The following CFHR5 variants were observed in gnomAD, a reference collection of about 807,000 sequenced individuals.
CFHR5 encodes the protein complement factor H related 5.
In CFHR5, 73 loss-of-function variants were observed where a neutral mutation model predicts 62.9. The observed-to-expected ratio is 1.16, with a 90% CI of 0.96 to 1.41. The LOEUF (loss-of-function observed/expected upper bound fraction) is 1.41, where lower values mean the gene tolerates loss of function less well. CFHR5 is among the 40% of genes most tolerant of loss of function. The pLI, the probability that CFHR5 is intolerant of heterozygous loss-of-function variation, is 0.00. For synonymous variants in CFHR5, 249 were observed against 227.2 expected (o/e 1.10, Z -0.86); for missense variants, 779 against 679.9 (o/e 1.15, Z -1.62).
chr1:196,985,419 G>A (rs1653657431), intron 3 of CFHR5, among the ~76,000 whole-genome samples: 1 of 151,788 alleles, frequency 6.6e-6, no homozygotes. Flanking sequence ...AGCTGGAACT[G>A]CGATAGTTTT....
chr1:196,986,036 A>T (rs1329001659), intron 3 of CFHR5, among the ~76,000 whole-genome samples: 2 of 152,176 alleles, frequency 1.3e-5, no homozygotes, highest in African/African-American at 4.8e-5. Context: ...ACAAGACAAC[A>T]TATTGAGGTT....
At chr1:196,993,751 A>G (rs1653912894) in intron 3 of CFHR5, among the ~76,000 whole-genome samples, 1 of 152,198 alleles carries the variant, frequency 6.6e-6, no homozygotes, top group African/African-American at 2.4e-5. Flanking sequence ...TATTAAACTT[A>G]TTTATTAAAC....
chr1:196,989,820 G>A (rs1030314569), intron 3 of CFHR5, among the ~76,000 whole-genome samples: 10 of 152,300 alleles, frequency 6.6e-5, no homozygotes, highest in South Asian at 4.1e-4. Flanking sequence ...TAAGTGCTAT[G>A]TGATGCTGAG....
intron 1 of CFHR5, among the ~76,000 whole-genome samples, chr1:196,980,479 T>A (rs1329851377): frequency 6.6e-6 from 1 of 152,104 alleles, no homozygotes; most frequent in African/African-American, 2.4e-5. Context: ...GGTCATCAGT[T>A]GATAGGAATT....
rs1653976381 is a variant in CFHR5, at chr1:196,995,857, C to A, written c.748C>A (p.Gln250Lys). Residue 250 changes from glutamine (Q) to lysine (K), a missense_variant, in exon 5 of 10, where the codon CAA (glutamine) becomes AAA (lysine). Physicochemically the swap from Gln to Lys is moderately conservative, Grantham distance 53. Transcript: ENST00000256785. ...TATAATAAACGGGCCTAAGAAAATA[C>A]AATGTGTGGATGGAGAATGGACAAC... Reference protein sequence around the residue: ...NFIINGPKKIQCVDGEWTTLP... With the variant: ...NFIINGPKKIKCVDGEWTTLP... 1.2e-6 allele frequency: 2 copies of A among 1,613,104 alleles called. No individual in the cohort carries two copies. The highest frequency in any genetic ancestry group is 1.3e-5 in the African/African-American group (1 of 74,868).
chr1:196,976,610 G>A (rs1222189293), upstream of CFHR5, among the ~76,000 whole-genome samples: 1 of 152,056 alleles, frequency 6.6e-6, no homozygotes, highest in South Asian at 2.1e-4. Flanking sequence ...ATGCTGTTTG[G>A]CCAATTTCCA....
chr1:197,001,517 T>C (rs1260409870), intron 7 of CFHR5, among the ~76,000 whole-genome samples: 2 of 152,132 alleles, frequency 1.3e-5, no homozygotes, highest in East Asian at 3.9e-4. Flanking sequence ...AATAGCACTT[T>C]CAATGCAATA....
upstream of CFHR5, among the ~76,000 whole-genome samples, chr1:196,976,917 G>A (rs1267253709): frequency 1.4e-5 from 2 of 145,426 alleles, no homozygotes; most frequent in African/African-American, 2.6e-5. Context: ...CCATTCTCCT[G>A]CCTCAGCCTC....
chr1:196,983,845 T>A (rs1219502812), intron 2 of CFHR5, 116 bp from the exon 3 acceptor site: 1 of 679,998 alleles, frequency 1.5e-6, no homozygotes, highest in Non-Finnish European at 2.5e-6. Flanking sequence ...CAAATTCTTT[T>A]GAAAATATTT....
At chr1:196,998,933 G>A (rs577348142) in intron 7 of CFHR5, among the ~76,000 whole-genome samples, 2 of 151,880 alleles carry the variant, frequency 1.3e-5, no homozygotes, top group South Asian at 2.1e-4. Flanking sequence ...CATCAGCAAC[G>A]TCAAAAGCCG....
intron 9 of CFHR5, among the ~76,000 whole-genome samples, chr1:197,007,201 C>A (rs971160924): frequency 2.0e-5 from 3 of 151,588 alleles, no homozygotes; most frequent in African/African-American, 7.3e-5. Flanking sequence ...AGAAAACATG[C>A]AATATGGGGA....
rs749849330 is a variant in CFHR5, at chr1:196,994,089, G to T, written c.440G>T (p.Cys147Phe). The change falls in exon 4 of 10, where the codon TGT becomes TTT. Residue 147 changes from cysteine to phenylalanine, a missense_variant. Physicochemically the swap from Cys to Phe is radical, Grantham distance 205. Coordinates refer to ENST00000256785, the MANE Select transcript of CFHR5 (RefSeq NM_030787.4). The part of the protein sequence containing the change: ...PPICSFTKGE[C>F]HVPILEANVD... ...TTAATTTTATTTTTAGAAGGAGAAT[G>T]TCATGTTCCAATTTTAGAAGCCAAT... The T allele has an allele frequency of 1.2e-6, 2 of 1,611,516 alleles. No homozygotes were observed. The highest frequency in any genetic ancestry group is 2.7e-5 in the African/African-American group (2 of 74,766).
At position 197,002,619 on chromosome 1, in the gene CFHR5, A is replaced by G. The variant is rs575322664; in HGVS notation, c.1285A>G (p.Ile429Val). ...CTATCTACTTCCAGAAGCAAAAGAA[A>G]TTGTATGTAAAGATGGACGATGGCA... ...ENYLLPEAKE[I>V]VCKDGRWQSL... Residue 429 changes from isoleucine to valine, a missense_variant, in exon 8 of 10, where the codon ATT (isoleucine) becomes GTT (valine). Coordinates refer to ENST00000256785, the MANE Select transcript of CFHR5 (RefSeq NM_030787.4). 1 of 1,613,668 alleles carries G rather than the reference A, an allele frequency of 6.2e-7. No homozygotes were observed. Among genetic ancestry groups the G allele is most frequent in the Admixed American group, 1.7e-5 (1 of 59,972 alleles).
chr1:196,989,168 T>C (rs10922151), intron 3 of CFHR5, among the ~76,000 whole-genome samples: 5 of 152,088 alleles, frequency 3.3e-5, no homozygotes, highest in Admixed American at 2.0e-4. Flanking sequence ...GAGGTGTTTA[T>C]AGTATTCTCT....
chr1:196,995,736 TC>T lies in CFHR5; in HGVS notation c.629del (p.Pro210HisfsTer13). ...TAATAGGACAAGTACGATCATGTGG[TC>T]CACCTCCTCAACTCTCCAATGGTGA... is the stretch of plus-strand genomic sequence containing the variant. ...TCKGQVRSCGPPPQLSNGEVK... is the reference protein window; with the variant it reads ...TCKGQVRSCGXPPQLSNGEVK... On this transcript the variant is annotated frameshift_variant, in exon 5 of 10. Transcript: ENST00000256785. LOFTEE classifies it high-confidence loss of function. The T allele has an allele frequency of 6.2e-7, 1 of 1,613,102 alleles. No individual in the cohort carries two copies.
upstream of CFHR5, among the ~76,000 whole-genome samples, chr1:196,976,802 T>TC (rs1179126525): frequency 7.5e-6 from 1 of 133,840 alleles, no homozygotes; most frequent in Non-Finnish European, 1.6e-5. Context: ...AATTATTCTT[T>TC]TTTTTTTTTT....
At position 196,995,971 on chromosome 1, in the gene CFHR5, C is replaced by G. The variant is rs776642759; in HGVS notation, c.791-51C>G. The G allele has an allele frequency of 7.5e-6, 12 of 1,597,228 alleles. No individual in the cohort carries two copies. In the South Asian group the frequency reaches 1.1e-4, roughly 15 times the overall value. ...ACTTATATATAAATACACATGTAAACAGATTTAAAATATTTTCAGAGTAAG... is the reference window on the plus strand; with the variant it reads ...ACTTATATATAAATACACATGTAAAGAGATTTAAAATATTTTCAGAGTAAG... On this transcript the variant is annotated intron_variant, in intron 5 of 9. Coordinates refer to ENST00000256785, the MANE Select transcript of CFHR5 (RefSeq NM_030787.4).
chr1:196,992,314 G>C (rs1471692086), intron 3 of CFHR5, among the ~76,000 whole-genome samples: 4 of 151,302 alleles, frequency 2.6e-5, no homozygotes. Flanking sequence ...TCTGTCACGG[G>C]TTTCCTTGGC....
intron 3 of CFHR5, among the ~76,000 whole-genome samples, chr1:196,992,719 A>T (rs139227087): frequency 6.6e-6 from 1 of 152,220 alleles, no homozygotes; most frequent in Non-Finnish European, 1.5e-5. Flanking sequence ...TTAAAAAAAG[A>T]CTATAAACAA....
Sources: gnomAD v4.1 joint callset for allele counts (sites outside exome capture counted in the v4.1 genomes callset) on GRCh38, gnomAD v4.1.1 for gene constraint, MANE v1.5 for transcripts, NCBI Gene and HGNC (gene_info 2026-07-23, HGNC 2026-07-21) for gene names.